The following ADAMTS18 variants were observed in gnomAD, a reference collection of about 807,000 sequenced individuals.
ADAMTS18 encodes ADAM metallopeptidase with thrombospondin type 1 motif 18, also known as A disintegrin and metalloproteinase with thrombospondin motifs 18.
ADAMTS18 carries 157 observed loss-of-function variants against 165.9 expected under a neutral mutation model. The observed-to-expected ratio is 0.95, with a 90% confidence interval of 0.83 to 1.08. The LOEUF is 1.08. Ranked by LOEUF, ADAMTS18 falls within the 50% of genes least tolerant of loss-of-function variation. The pLI is 0.00. For synonymous variants in ADAMTS18, 782 were observed against 578.2 expected (o/e 1.35, Z -5.06); for missense variants, 2,040 against 1,534.0 (o/e 1.33, Z -5.51).
At chr16:77,327,616 C>A (rs373354195) in intron 12 of ADAMTS18, among the ~76,000 whole-genome samples, 1 of 152,132 alleles carries the variant, frequency 6.6e-6, no homozygotes, top group South Asian at 2.1e-4. Flanking sequence ...AACTGGAGAC[C>A]GTTATTCTAA....
chr16:77,303,765 G>A (rs1454594415), intron 16 of ADAMTS18, among the ~76,000 whole-genome samples: 6 of 152,212 alleles, frequency 3.9e-5, no homozygotes, highest in Non-Finnish European at 8.8e-5. Flanking sequence ...CGGACGCGGG[G>A]GCTCGCGCCT....
At chr16:77,300,439 T>C (rs370620978) in intron 16 of ADAMTS18, 35 bp from the exon 17 acceptor site, 6 of 1,612,702 alleles carry the variant, frequency 3.7e-6, no homozygotes, top group Non-Finnish European at 5.1e-6. Context: ...GAGATCAAGA[T>C]ACAGGTCAGA....
chr16:77,348,370 T>A (rs2056507615), intron 10 of ADAMTS18, among the ~76,000 whole-genome samples: 1 of 152,192 alleles, frequency 6.6e-6, no homozygotes, highest in Non-Finnish European at 1.5e-5. Flanking sequence ...TTAGACCAAC[T>A]ATCCCTTCAC....
chr16:77,296,009 T>TGC (rs1468675650), intron 18 of ADAMTS18, among the ~76,000 whole-genome samples: 2 of 146,270 alleles, frequency 1.4e-5, no homozygotes, highest in African/African-American at 2.6e-5. Flanking sequence ...AAAAAAAAAG[T>TGC]GTGTGTGTGT....
chr16:77,291,489 AGACAG>A lies in ADAMTS18; in HGVS notation c.3190-16_3190-12del. On this transcript the variant is annotated splice_polypyrimidine_tract_variant and intron_variant, in intron 20 of 22. Transcript: ENST00000282849. Reference sequence around the variant, plus strand: ...ACAGGTTGCAGAACACTAGGAGCCAAGACAGGATGTGTAAAAGTGAAGACTGCCAG... The same window carrying A: ...ACAGGTTGCAGAACACTAGGAGCCAAGATGTGTAAAAGTGAAGACTGCCAG... 1 of 1,613,748 alleles carries A rather than the reference AGACAG, an allele frequency of 6.2e-7. No homozygotes were observed. The highest frequency in any genetic ancestry group is 8.5e-7 in the Non-Finnish European group (1 of 1,179,652).
rs61749041 is a variant in ADAMTS18 at position 77,283,994 on chromosome 16, C to T, written c.3628G>A (p.Gly1210Arg). 2.5e-4 allele frequency: 396 copies of T among 1,613,936 alleles called. No homozygotes were observed. The African/African-American group carries it at 4.6e-3, about 19-fold the overall frequency. ...QHGVCNHKFY[G>R]KQCCKSCTRK... The stretch of plus-strand genomic sequence containing the variant: ...GTGCATGACTTGCAGCATTGTTTTC[C>T]GTAAAACTTGTGGTTGCAGACACCA... The change falls in exon 23 of 23, where the codon GGA becomes AGA. Residue 1210 changes from glycine to arginine, a missense_variant. Physicochemically the swap from Gly to Arg is moderately radical, Grantham distance 125. Transcript: ENST00000282849.
chr16:77,347,237 G>T (rs1011908102), intron 10 of ADAMTS18, among the ~76,000 whole-genome samples: 2 of 152,156 alleles, frequency 1.3e-5, no homozygotes, highest in African/African-American at 4.8e-5. Flanking sequence ...TGGCTTCTAT[G>T]AATCAAATAG....
At chr16:77,356,132 G>C in intron 8 of ADAMTS18, 55 bp from the exon 9 acceptor site, 1 of 1,609,538 alleles carries the variant, frequency 6.2e-7, no homozygotes, top group East Asian at 2.2e-5. Context: ...TTTTTTGAAG[G>C]ATAATCTGAG....
Position 77,318,086 on chromosome 16 carries a change from T to C in ADAMTS18, c.2532+1763A>G, listed in dbSNP as rs1224182319. Among the ~76,000 whole-genome samples, 4 of 152,134 alleles carry C rather than the reference T, an allele frequency of 2.6e-5. No individual in the cohort carries two copies. The East Asian group carries it at 7.7e-4, about 29-fold the overall frequency. On this transcript the variant is annotated intron_variant, in intron 16 of 22. Transcript: ENST00000282849. ...TATAAGATAGAGGAAAATAAATTAT[T>C]TTAAGTAAAAATCATCGGACAAGTT...
chr16:77,398,897 G>C (rs1390033110), intron 3 of ADAMTS18, among the ~76,000 whole-genome samples: 2 of 152,180 alleles, frequency 1.3e-5, no homozygotes, highest in African/African-American at 2.4e-5. Context: ...AGATGTTTGG[G>C]TGGGATGAGA....
intron 3 of ADAMTS18, among the ~76,000 whole-genome samples, chr16:77,387,515 C>A (rs527476126): frequency 6.6e-6 from 1 of 152,306 alleles, no homozygotes; most frequent in South Asian, 2.1e-4. Flanking sequence ...TGTCCTAACT[C>A]TGACCATTCA....
rs753689650 is a variant in ADAMTS18, at chr16:77,367,535, G to A, written c.684C>T (p.Ser228=). The A allele has an allele frequency of 6.2e-7, 1 of 1,614,206 alleles. No homozygotes were observed. Residue 228 remains serine, a synonymous_variant, in exon 4 of 23, where the codon TCC becomes TCT. Transcript: ENST00000282849. ...GAGATGCATGGGGAATGTGACTTGG[G>A]GAGTAACCAGGATAATTCCGGCCAG... The part of the protein sequence containing the change: ...PGSGRNYPGY[S]PSHIPHASQS...
chr16:77,356,826 A>G (rs921424057), intron 8 of ADAMTS18, among the ~76,000 whole-genome samples: 2 of 152,132 alleles, frequency 1.3e-5, no homozygotes, highest in African/African-American at 2.4e-5. Flanking sequence ...AAATTTCCTG[A>G]CAGGAAGAAT....
chr16:77,431,966 A>G (rs1597269084), intron 2 of ADAMTS18, among the ~76,000 whole-genome samples: 1 of 152,300 alleles, frequency 6.6e-6, no homozygotes, highest in East Asian at 1.9e-4. Context: ...CCATTCATAT[A>G]TATAAAATTT....
chr16:77,295,526 T>A (rs2055452962), intron 18 of ADAMTS18, among the ~76,000 whole-genome samples: 1 of 152,172 alleles, frequency 6.6e-6, no homozygotes, highest in African/African-American at 2.4e-5. Flanking sequence ...GAGGTGGATA[T>A]GTGAACAAAT....
chr16:77,339,472 C>T (rs1000285801), intron 11 of ADAMTS18, among the ~76,000 whole-genome samples: 16 of 151,938 alleles, frequency 1.1e-4, no homozygotes, highest in African/African-American at 3.6e-4. Flanking sequence ...CCCCTTGGAA[C>T]TTAGATACCT....
chr16:77,372,170 A>C (rs916939165), intron 3 of ADAMTS18, among the ~76,000 whole-genome samples: 1 of 152,190 alleles, frequency 6.6e-6, no homozygotes, highest in Non-Finnish European at 1.5e-5. Flanking sequence ...TGTGGGCAGG[A>C]ATGTAAATTA....
At chr16:77,316,380 G>A (rs1454873645) in intron 16 of ADAMTS18, among the ~76,000 whole-genome samples, 1 of 151,806 alleles carries the variant, frequency 6.6e-6, no homozygotes, top group Non-Finnish European at 1.5e-5. Context: ...TCAGCCTGTT[G>A]AGTAGCTGGG....
chr16:77,293,581 T>C (rs1452878846), intron 19 of ADAMTS18, among the ~76,000 whole-genome samples: 1 of 151,546 alleles, frequency 6.6e-6, no homozygotes, highest in Non-Finnish European at 1.5e-5. Context: ...CTAAACAAGC[T>C]CAAAAATATT....
Sources: gnomAD v4.1 joint callset for allele counts (sites outside exome capture counted in the v4.1 genomes callset) on GRCh38, gnomAD v4.1.1 for gene constraint, MANE v1.5 for transcripts, NCBI Gene and HGNC (gene_info 2026-07-23, HGNC 2026-07-21) for gene names.